Variants in NUCB2 observed in about 807,000 individuals in gnomAD.
The protein encoded by NUCB2 is nucleobindin 2.
A neutral mutation model predicts 57.9 loss-of-function variants in NUCB2; 48 were observed. That is an observed-to-expected ratio of 0.83 (90% CI 0.66 to 1.05). The LOEUF (loss-of-function observed/expected upper bound fraction) is 1.05, where lower values mean the gene tolerates loss of function less well. Ranked by LOEUF, NUCB2 falls within the 50% of genes least tolerant of loss-of-function variation. The pLI, the probability that NUCB2 is intolerant of heterozygous loss-of-function variation, is 0.00. For missense variants in NUCB2, 442 were observed against 476.2 expected (o/e 0.93, Z 0.67); for synonymous variants, 139 against 152.1 (o/e 0.91, Z 0.64).
chr11:17,326,220 G>T (rs995676556), intron 11 of NUCB2, among the ~76,000 whole-genome samples: 2 of 149,688 alleles, frequency 1.3e-5, no homozygotes, highest in African/African-American at 4.9e-5. Context: ...GGCTGGTCTC[G>T]AACTCCCAAC....
intron 6 of NUCB2, among the ~76,000 whole-genome samples, chr11:17,310,007 T>G (rs1948244473): frequency 6.6e-6 from 1 of 152,218 alleles, no homozygotes; most frequent in Non-Finnish European, 1.5e-5. Context: ...TGATTACAGA[T>G]GCTACAGGGA....
chr11:17,316,461 C>T (rs1949263377), intron 11 of NUCB2, among the ~76,000 whole-genome samples: 1 of 152,148 alleles, frequency 6.6e-6, no homozygotes, highest in South Asian at 2.1e-4. Context: ...ATCCATTTCT[C>T]CAAATTTAGA....
Position 17,301,692 on chromosome 11 carries a change from G to T in NUCB2, c.253-52G>T, listed in dbSNP as rs367916760. The T allele has an allele frequency of 1.4e-4, 198 of 1,425,462 alleles. 2 individuals carry two copies. In the South Asian group the frequency reaches 2.2e-3, roughly 16 times the overall value. The allele number at this position is 1,425,462 out of a possible 1,614,324, so 88.3% of individuals were successfully genotyped here. A position where few individuals can be genotyped will look rare whatever the true frequency, so the allele number is the denominator to read the frequency against. On this transcript the variant is annotated intron_variant, in intron 4 of 13. Transcript: ENST00000529010. ...ACCCTGTTTTTAAGCTGTTGCATTT[G>T]TCTAAAAATGGAATGTAATAGATAA...
Position 17,330,108 on chromosome 11 carries a change from C to T in NUCB2, c.1003-19C>T. The T allele has an allele frequency of 7.6e-7, 1 of 1,319,746 alleles. No individual in the cohort carries two copies. The highest frequency in any genetic ancestry group is 2.4e-5 in the Admixed American group (1 of 41,578). 81.8% of individuals were successfully genotyped at this position (1,319,746 alleles called of 1,614,324 possible). A position where few individuals can be genotyped will look rare whatever the true frequency, so the allele number is the denominator to read the frequency against. On this transcript the variant is annotated intron_variant, in intron 11 of 13. Coordinates refer to ENST00000529010, the MANE Select transcript of NUCB2 (RefSeq NM_005013.4). The surrounding 1 kb of genome is among the most constrained non-coding windows in gnomAD (Gnocchi z 4.3). ...GTTGTAGTTTTGAGATTATTCTTTC[C>T]TCATTTTTTTTCTTTTAGACATTAG... is the stretch of plus-strand genomic sequence containing the variant.
chr11:17,295,714 GTA>G, intron 3 of NUCB2: 1 of 439,186 alleles, frequency 2.3e-6, no homozygotes, highest in South Asian at 2.8e-5. Context: ...AATATAGTTA[GTA>G]TATTAGATAG....
At chr11:17,317,478 C>G (rs1054410516) in intron 11 of NUCB2, 4 of 292,322 alleles carry the variant, frequency 1.4e-5, no homozygotes, top group African/African-American at 6.5e-5. Context: ...GTACTCTTCT[C>G]CAATCTCTAG....
chr11:17,321,276 C>T (rs554798902), intron 11 of NUCB2, among the ~76,000 whole-genome samples: 2 of 151,970 alleles, frequency 1.3e-5, no homozygotes, highest in African/African-American at 4.8e-5. Context: ...CTCTGGTAAC[C>T]ATCCTTCTAT....
At position 17,310,829 on chromosome 11, in the gene NUCB2, C is replaced by A. The variant is rs563121499; in HGVS notation, c.488C>A (p.Thr163Lys). The change falls in exon 7 of 14, where the codon ACA becomes AAA. Residue 163 changes from threonine (T) to lysine (K), a missense_variant. Transcript: ENST00000529010. ...AAATGCATTATTGCATTTCAGGCAACAAGTGATCTGGAACACTATGACAAG... is the reference window on the plus strand; with the variant it reads ...AAATGCATTATTGCATTTCAGGCAAAAAGTGATCTGGAACACTATGACAAG... ...TDLDMLIKAATSDLEHYDKTR... is the reference protein window; with the variant it reads ...TDLDMLIKAAKSDLEHYDKTR... The A allele has an allele frequency of 7.6e-6, 12 of 1,574,648 alleles. No homozygotes were observed. The Admixed American group carries it at 1.5e-4, about 20-fold the overall frequency.
At chr11:17,304,806 A>G (rs1221782283) in intron 5 of NUCB2, among the ~76,000 whole-genome samples, 1 of 152,174 alleles carries the variant, frequency 6.6e-6, no homozygotes, top group Non-Finnish European at 1.5e-5. Flanking sequence ...CTACTCAGAA[A>G]TGTGCAAAAC....
intron 5 of NUCB2, among the ~76,000 whole-genome samples, chr11:17,308,016 A>T (rs1043104805): frequency 1.2e-4 from 18 of 152,116 alleles, no homozygotes; most frequent in African/African-American, 4.1e-4. Flanking sequence ...GTCTTTTTAT[A>T]TATTTCACTG....
chr11:17,342,218 T>C (rs1279856705), intron 2 of NUCB2, among the ~76,000 whole-genome samples: 2 of 152,218 alleles, frequency 1.3e-5, no homozygotes, highest in African/African-American at 4.8e-5. Flanking sequence ...TTCTTCTTTA[T>C]TTGTCTTGCT....
intron 5 of NUCB2, among the ~76,000 whole-genome samples, chr11:17,307,605 C>G (rs945806996): frequency 6.6e-6 from 1 of 151,966 alleles, no homozygotes; most frequent in African/African-American, 2.4e-5. Flanking sequence ...TACATAGAGA[C>G]CATCTCTCTT....
chr11:17,348,319 GT>G lies in NUCB2; in HGVS notation n.2627-994del, dbSNP rs55741571. Among the ~76,000 whole-genome samples the G allele has an allele frequency of 4.8e-3, 403 of 84,426 alleles. 45 individuals are homozygous for G. Among genetic ancestry groups the G allele is most frequent in the African/African-American group, 0.016 (326 of 20,054 alleles). The allele number at this position is 84,426 out of a possible 152,430, so 55.4% of individuals were successfully genotyped here. On this transcript the variant is annotated intron_variant and non_coding_transcript_variant, in intron 2 of 2. Transcript: ENST00000532240. The stretch of plus-strand genomic sequence containing the variant: ...TGAGGTGTTTTTTGTTTGTTTTTGT[GT>G]TTTTTTTTTTTTTTTTTTTTTTTTT...
chr11:17,340,422 C>T (rs1278504607), intron 2 of NUCB2, among the ~76,000 whole-genome samples: 1 of 152,154 alleles, frequency 6.6e-6, no homozygotes, highest in Non-Finnish European at 1.5e-5. Flanking sequence ...GAGGTCCTTG[C>T]CCATGCCTAT....
chr11:17,341,849 T>G (rs2139626315), intron 2 of NUCB2, among the ~76,000 whole-genome samples: 1 of 152,300 alleles, frequency 6.6e-6, no homozygotes, highest in East Asian at 1.9e-4. Context: ...TTAGGGAGGA[T>G]TCCCTCTTTT....
At chr11:17,308,657 T>C (rs1157051719) in intron 5 of NUCB2, among the ~76,000 whole-genome samples, 1 of 152,246 alleles carries the variant, frequency 6.6e-6, no homozygotes, top group Non-Finnish European at 1.5e-5. Flanking sequence ...ATCCATTACA[T>C]GTGTCCACTA....
At chr11:17,295,679 G>A in intron 3 of NUCB2, 1 of 518,138 alleles carries the variant, frequency 1.9e-6, no homozygotes, top group East Asian at 3.5e-5. Flanking sequence ...AGCATATGCT[G>A]TTTACCATTA....
intron 2 of NUCB2, among the ~76,000 whole-genome samples, chr11:17,347,557 A>G (rs1230926125): frequency 6.6e-6 from 1 of 152,174 alleles, no homozygotes; most frequent in Non-Finnish European, 1.5e-5. Flanking sequence ...TTTAATCATA[A>G]CCATCATATA....
At chr11:17,298,412 G>GA (rs1946182921) in intron 4 of NUCB2, among the ~76,000 whole-genome samples, 2 of 151,454 alleles carry the variant, frequency 1.3e-5, no homozygotes, top group African/African-American at 4.9e-5. Context: ...ACCAAAAATA[G>GA]AAAAAATTAG....
Sources: gnomAD v4.1 joint callset for allele counts (sites outside exome capture counted in the v4.1 genomes callset) on GRCh38, gnomAD v4.1.1 for gene constraint, Gnocchi (gnomAD v3.1) non-coding constraint, MANE v1.5 for transcripts, NCBI Gene and HGNC (gene_info 2026-07-23, HGNC 2026-07-21) for gene names.